Variants in SDK2 observed in about 807,000 individuals in gnomAD.
The protein encoded by SDK2 is protein sidekick-2.
SDK2 carries 105 observed loss-of-function variants against 253.9 expected under a neutral mutation model. The ratio of observed to expected loss-of-function variants is 0.41; its 90% CI spans 0.35 to 0.49. The LOEUF (loss-of-function observed/expected upper bound fraction) is 0.49. Ranked by LOEUF, SDK2 falls within the 20% of genes least tolerant of loss-of-function variation. SDK2 has a pLI of 0.06. For synonymous variants in SDK2, 1,249 were observed against 1,234.9 expected, an observed-to-expected ratio of 1.01 and a Z score of -0.24; for missense variants, 2,608 against 3,003.0, an observed-to-expected ratio of 0.87 and a Z score of 3.07.
chr17:73,392,174 G>A (rs1425325967), intron 27 of SDK2, among the ~76,000 whole-genome samples: 2 of 144,784 alleles, frequency 1.4e-5, no homozygotes, highest in African/African-American at 2.5e-5. Context: ...ACAGGGTGAG[G>A]AGAGAATGGG....
intron 43 of SDK2, among the ~76,000 whole-genome samples, chr17:73,349,157 GT>G (rs752618041): frequency 9.2e-5 from 14 of 152,272 alleles, no homozygotes; most frequent in Non-Finnish European, 1.3e-4. Context: ...GTTACATGTA[GT>G]AGGGCCCCGG....
In SDK2 at chr17:73,334,567, T is replaced by G. The variant is rs1317365023; in HGVS notation, c.*4020A>C. Reference sequence around the variant, plus strand: ...GACAGACACCTGCCATAATGAATACTCTCCCCATAATTTTTTGTTATATCT... The same window carrying G: ...GACAGACACCTGCCATAATGAATACGCTCCCCATAATTTTTTGTTATATCT... On this transcript the variant is annotated 3_prime_UTR_variant, in exon 45 of 45. Transcript: ENST00000392650. 6.6e-6 allele frequency: 1 copy of G among 152,218 alleles called. No homozygotes were observed. The highest frequency in any genetic ancestry group is 2.4e-5 in the African/African-American group (1 of 41,446). The allele number at this position is 152,218 out of a possible 1,614,324, so 9.4% of individuals were successfully genotyped here.
At chr17:73,477,124 G>A (rs1029008662) in intron 2 of SDK2, among the ~76,000 whole-genome samples, 5 of 152,178 alleles carry the variant, frequency 3.3e-5, no homozygotes, top group Non-Finnish European at 7.4e-5. Flanking sequence ...GAGGCATTTG[G>A]CCAGCTTCTC....
At chr17:73,623,521 G>A (rs1238471159) in intron 1 of SDK2, among the ~76,000 whole-genome samples, 1 of 152,192 alleles carries the variant, frequency 6.6e-6, no homozygotes, top group Non-Finnish European at 1.5e-5. Flanking sequence ...AGCTTGAGGA[G>A]GACAAGCCCA....
chr17:73,361,705 CGTT>C lies in SDK2; in HGVS notation c.5443_5445del (p.Asn1815del). ...CTACCTTCTCCGGGGCCCGTGGTGA[CGTT>C]GGCTTCGATCTCCGGCCCGTAGGTG... On this transcript the variant is annotated inframe_deletion, in exon 39 of 45. Coordinates refer to ENST00000392650, the MANE Select transcript of SDK2 (RefSeq NM_001144952.2). This position sits in a 1 kb window ranked among gnomAD's most constrained non-coding sequence, Gnocchi z 4.1. 1 of 1,612,102 alleles carries C rather than the reference CGTT, an allele frequency of 6.2e-7. No individual in the cohort carries two copies. Among genetic ancestry groups the C allele is most frequent in the Non-Finnish European group, 8.5e-7 (1 of 1,178,356 alleles).
intron 16 of SDK2, among the ~76,000 whole-genome samples, chr17:73,417,241 T>TAAAAAAA (rs112364858): frequency 7.1e-6 from 1 of 141,014 alleles, no homozygotes; most frequent in Non-Finnish European, 1.5e-5. Context: ...TTGTCTCTAC[T>TAAAAAAA]AAAAAAAAAA....
chr17:73,587,642 C>A (rs1193475406), intron 1 of SDK2, among the ~76,000 whole-genome samples: 2 of 152,214 alleles, frequency 1.3e-5, no homozygotes, highest in Non-Finnish European at 2.9e-5. Flanking sequence ...CCGAGCTCCG[C>A]AGCCTCTCCT....
chr17:73,438,298 T>G, intron 6 of SDK2, 144 bp from the exon 7 acceptor site: 1 of 717,466 alleles, frequency 1.4e-6, no homozygotes, highest in South Asian at 1.9e-5. Flanking sequence ...AGATGCAAGA[T>G]CTTGGGCAAG....
At chr17:73,508,956 G>A (rs747750118) in intron 1 of SDK2, among the ~76,000 whole-genome samples, 1 of 152,230 alleles carries the variant, frequency 6.6e-6, no homozygotes. Context: ...TATGTGCCAC[G>A]GGCTTGAGGC....
At chr17:73,595,544 C>T (rs1027384209) in intron 1 of SDK2, among the ~76,000 whole-genome samples, 6 of 152,152 alleles carry the variant, frequency 3.9e-5, no homozygotes, top group African/African-American at 9.7e-5. Context: ...GTCTCCTCCT[C>T]GCTTGGACTG....
chr17:73,634,582 T>C (rs1461117573), intron 1 of SDK2, among the ~76,000 whole-genome samples: 1 of 152,208 alleles, frequency 6.6e-6, no homozygotes, highest in African/African-American at 2.4e-5. Context: ...TGTGCCATAT[T>C]TGCATTTTAA....
At chr17:73,526,820 G>A (rs930702386) in intron 1 of SDK2, among the ~76,000 whole-genome samples, 1 of 152,210 alleles carries the variant, frequency 6.6e-6, no homozygotes, top group African/African-American at 2.4e-5. Context: ...GAGGAAAGAT[G>A]AAGCTGAGGA....
intron 1 of SDK2, among the ~76,000 whole-genome samples, chr17:73,631,185 G>A (rs564870086): frequency 2.3e-4 from 35 of 152,286 alleles, no homozygotes; most frequent in African/African-American, 7.5e-4. Flanking sequence ...ATGCGCAGGC[G>A]GATAATGAGC....
intron 12 of SDK2, among the ~76,000 whole-genome samples, chr17:73,426,208 C>CT (rs751417057): frequency 0.28 from 7,923 of 28,732 alleles, 2,714 homozygotes; most frequent in Non-Finnish European, 0.36. Flanking sequence ...CCATGCTGGG[C>CT]TTTTTTTTTT....
At chr17:73,589,544 T>A (rs987843004) in intron 1 of SDK2, among the ~76,000 whole-genome samples, 4 of 152,196 alleles carry the variant, frequency 2.6e-5, no homozygotes, top group Admixed American at 1.3e-4. Flanking sequence ...TCCACAAGCC[T>A]CCATTTCCCA....
rs12950240 is a variant in SDK2 at position 73,570,909 on chromosome 17, T to C, written c.65-63312A>G. ...CCCCTTTAGGGTCTCTGCTCCCCTATTCCTCCTCAGCCCACAGCCTGGGGT... is the reference window on the plus strand; with the variant it reads ...CCCCTTTAGGGTCTCTGCTCCCCTACTCCTCCTCAGCCCACAGCCTGGGGT... On this transcript the variant is annotated intron_variant, in intron 1 of 44. Coordinates refer to ENST00000392650, the MANE Select transcript of SDK2 (RefSeq NM_001144952.2). The surrounding 1 kb of genome is among the most constrained non-coding windows in gnomAD (Gnocchi z 4.2). Among the ~76,000 whole-genome samples, 40,719 of 151,890 alleles carry C rather than the reference T, an allele frequency of 0.27. 5,543 individuals carry two copies. The highest frequency in any genetic ancestry group is 0.35 in the South Asian group (1,684 of 4,798).
At chr17:73,491,373 G>GTT (rs1599616643) in intron 2 of SDK2, among the ~76,000 whole-genome samples, 1 of 117,674 alleles carries the variant, frequency 8.5e-6, no homozygotes. Flanking sequence ...CTGTTTTTTG[G>GTT]CTTTTTTTTT....
intron 30 of SDK2, 84 bp from the exon 31 acceptor site, chr17:73,386,632 TG>T: frequency 1.1e-6 from 1 of 942,056 alleles, no homozygotes; most frequent in Non-Finnish European, 1.7e-6. Flanking sequence ...CTCCCTGATC[TG>T]GCCCTGCTCG....
At chr17:73,494,580 C>T (rs76428205) in intron 2 of SDK2, among the ~76,000 whole-genome samples, 3,005 of 152,296 alleles carry the variant, frequency 0.02, 91 homozygotes, top group African/African-American at 0.067. Flanking sequence ...CGCCTTTCCC[C>T]TTACACTTTG....
Sources: allele counts gnomAD v4.1 joint callset (sites outside exome capture counted in the v4.1 genomes callset), GRCh38; gene constraint gnomAD v4.1.1; non-coding constraint Gnocchi (gnomAD v3.1); transcripts MANE v1.5; gene names NCBI Gene and HGNC (gene_info 2026-07-23, HGNC 2026-07-21).